TULP4: variants seen among roughly 807,000 people sequenced by gnomAD.
The protein encoded by TULP4 is TUB like protein 4.
A neutral mutation model predicts 129.0 loss-of-function variants in TULP4; 16 were observed. The observed-to-expected ratio is 0.12, with a 90% CI of 0.08 to 0.19. TULP4 has a LOEUF of 0.19. Ranked by LOEUF, TULP4 falls within the 10% of genes least tolerant of loss-of-function variation. The pLI is 1.00. For synonymous variants in TULP4, 998 were observed against 854.0 expected, an observed-to-expected ratio of 1.17 and a Z score of -2.94; for missense variants, 1,842 against 2,059.1, an observed-to-expected ratio of 0.89 and a Z score of 2.04.
chr6:158,352,697 G>A (rs1038843301), intron 1 of TULP4, among the ~76,000 whole-genome samples: 21 of 152,268 alleles, frequency 1.4e-4, no homozygotes, highest in Middle Eastern at 3.4e-3. Flanking sequence ...GCCTGGCCCC[G>A]ATACTGGTTC....
chr6:158,439,178 A>AT (rs563617486), intron 3 of TULP4, among the ~76,000 whole-genome samples: 1,712 of 151,902 alleles, frequency 0.011, 29 homozygotes, highest in African/African-American at 0.039. Context: ...CTCAAAAAAA[A>AT]AATAATAATA....
In TULP4 at chr6:158,392,794, C is replaced by CTTTTTTTTTTTTTTTTTTTTTTTTT. The variant is rs773565295; in HGVS notation, c.253-20270_253-20246dup. Among the ~76,000 whole-genome samples the CTTTTTTTTTTTTTTTTTTTTTTTTT allele has an allele frequency of 9.2e-5, 5 of 54,642 alleles. 1 individual carries two copies. Among genetic ancestry groups the CTTTTTTTTTTTTTTTTTTTTTTTTT allele is most frequent in the African/African-American group, 2.6e-4 (3 of 11,452 alleles). The allele number at this position is 54,642 out of a possible 152,430, so 35.8% of individuals were successfully genotyped here. A position where few individuals can be genotyped will look rare whatever the true frequency, so the allele number is the denominator to read the frequency against. On this transcript the variant is annotated intron_variant, in intron 1 of 13. Coordinates refer to ENST00000367097, the MANE Select transcript of TULP4 (RefSeq NM_020245.5). ...GTACCTATTGTTTAAATTTGTATTT[C>CTTTTTTTTTTTTTTTTTTTTTTTTT]TTTTTTTTTTTTTTTTTTTTTTTTT...
At chr6:158,411,678 A>G (rs537617309) in intron 1 of TULP4, among the ~76,000 whole-genome samples, 5 of 152,206 alleles carry the variant, frequency 3.3e-5, no homozygotes, top group Non-Finnish European at 7.3e-5. Flanking sequence ...AAGGCTGCTC[A>G]AGGCACACTA....
At chr6:158,489,759 CCTTT>C in intron 9 of TULP4, 27 bp downstream of exon 9, 1 of 1,613,610 alleles carries the variant, frequency 6.2e-7, no homozygotes, top group Non-Finnish European at 8.5e-7. Context: ...GGGAGATCGT[CCTTT>C]CTTGTGCCTC....
intron 3 of TULP4, among the ~76,000 whole-genome samples, chr6:158,434,046 T>C (rs910151851): frequency 3.3e-5 from 5 of 152,324 alleles, no homozygotes; most frequent in Admixed American, 6.5e-5. Context: ...CTTATTGTGT[T>C]CTCACGTGGA....
At position 158,493,728 on chromosome 6, in the gene TULP4, C is replaced by T. The variant is rs745835397; in HGVS notation, c.1776+11C>T. 5.2e-6 allele frequency: 8 copies of T among 1,539,360 alleles called. No individual in the cohort carries two copies. On this transcript the variant is annotated intron_variant, in intron 10 of 13. Coordinates refer to ENST00000367097, the MANE Select transcript of TULP4 (RefSeq NM_020245.5). The surrounding 1 kb of genome is among the most constrained non-coding windows in gnomAD (Gnocchi z 4.4). ...GAAGACATCACTCAGGTAGGAGCCCCCAGTTACCCTGCCTTGCTCCCCTCC... is the reference window on the plus strand; with the variant it reads ...GAAGACATCACTCAGGTAGGAGCCCTCAGTTACCCTGCCTTGCTCCCCTCC...
At chr6:158,285,704 C>T (rs1778823314) in intron 1 of TULP4, among the ~76,000 whole-genome samples, 1 of 152,200 alleles carries the variant, frequency 6.6e-6, no homozygotes, top group Non-Finnish European at 1.5e-5. Context: ...CCATTGTTAG[C>T]TTTGTTCCCC....
At chr6:158,240,874 G>C (rs1462911905) in intron 1 of TULP4, among the ~76,000 whole-genome samples, 1 of 150,772 alleles carries the variant, frequency 6.6e-6, no homozygotes, top group Admixed American at 6.6e-5. Flanking sequence ...CCCGGACGGG[G>C]TGGCTGCCGG....
chr6:158,494,546 A>G (rs561669562), intron 10 of TULP4, among the ~76,000 whole-genome samples: 6 of 152,060 alleles, frequency 3.9e-5, no homozygotes, highest in South Asian at 4.2e-4. Context: ...CCTTTCCCCC[A>G]GCTCGATGCG....
intron 1 of TULP4, among the ~76,000 whole-genome samples, chr6:158,236,079 G>C (rs1182028636): frequency 6.6e-6 from 1 of 152,176 alleles, no homozygotes; most frequent in Non-Finnish European, 1.5e-5. Flanking sequence ...TGTTGTAGTG[G>C]TGGTATATTT....
At chr6:158,443,285 T>G (rs902041296) in intron 3 of TULP4, among the ~76,000 whole-genome samples, 1 of 151,706 alleles carries the variant, frequency 6.6e-6, no homozygotes, top group African/African-American at 2.4e-5. Flanking sequence ...CCCAGCCAAT[T>G]TTTGCATTTT....
chr6:158,463,735 C>G (rs1779495771), intron 6 of TULP4, among the ~76,000 whole-genome samples: 1 of 147,338 alleles, frequency 6.8e-6, no homozygotes, highest in South Asian at 2.1e-4. Context: ...TAACATTACT[C>G]AGCTCATCAG....
At chr6:158,454,214 A>C (rs1295699293) in intron 5 of TULP4, among the ~76,000 whole-genome samples, 1 of 152,146 alleles carries the variant, frequency 6.6e-6, no homozygotes, top group Non-Finnish European at 1.5e-5. Flanking sequence ...GTAGGAGTTG[A>C]GTACATATTT....
intron 1 of TULP4, among the ~76,000 whole-genome samples, chr6:158,402,626 A>C (rs1777879620): frequency 6.6e-6 from 1 of 152,224 alleles, no homozygotes; most frequent in African/African-American, 2.4e-5. Context: ...ATCTTTGATA[A>C]CTCAAAAACA....
upstream of TULP4, among the ~76,000 whole-genome samples, chr6:158,280,279 A>G (rs1778725789): frequency 6.6e-6 from 1 of 152,194 alleles, no homozygotes; most frequent in Non-Finnish European, 1.5e-5. Flanking sequence ...CCATGATACT[A>G]TGCATTCATG....
intron 8 of TULP4, among the ~76,000 whole-genome samples, chr6:158,489,150 A>C (rs1780137123): frequency 6.6e-6 from 1 of 152,156 alleles, no homozygotes. Context: ...TCAGGACTGT[A>C]GTTCAAGCAG....
chr6:158,314,007 T>C lies in TULP4; in HGVS notation c.-10T>C. ...TTACTTTTTAAGTAAAACAGTTCATTGAAGAAAGTATGTATGCAGCAGTGG... is the reference window on the plus strand; with the variant it reads ...TTACTTTTTAAGTAAAACAGTTCATCGAAGAAAGTATGTATGCAGCAGTGG... On this transcript the variant is annotated 5_prime_UTR_variant, in exon 1 of 14. Coordinates refer to ENST00000367097, the MANE Select transcript of TULP4 (RefSeq NM_020245.5). 1 of 1,609,790 alleles carries C rather than the reference T, an allele frequency of 6.2e-7. No homozygotes were observed.
intron 1 of TULP4, among the ~76,000 whole-genome samples, chr6:158,250,818 C>T (rs781617490): frequency 1.1e-4 from 17 of 152,168 alleles, no homozygotes; most frequent in Non-Finnish European, 4.4e-5. Flanking sequence ...ATCTGTTACT[C>T]TGATGTATAC....
At chr6:158,499,984 A>G (rs1040233622) in intron 12 of TULP4, among the ~76,000 whole-genome samples, 2 of 152,092 alleles carry the variant, frequency 1.3e-5, no homozygotes, top group Non-Finnish European at 2.9e-5. Context: ...CCACATAAAT[A>G]CCTGTAGTTT....
Sources: allele counts gnomAD v4.1 joint callset (sites outside exome capture counted in the v4.1 genomes callset), GRCh38; gene constraint gnomAD v4.1.1; non-coding constraint Gnocchi (gnomAD v3.1); transcripts MANE v1.5; gene names NCBI Gene and HGNC (gene_info 2026-07-23, HGNC 2026-07-21).